Variants in DCC observed in about 807,000 individuals in gnomAD.
The protein encoded by DCC is netrin receptor DCC.
A neutral mutation model predicts 172.5 loss-of-function variants in DCC; 58 were observed. The ratio of observed to expected loss-of-function variants is 0.34; its 90% CI spans 0.27 to 0.42. The LOEUF is 0.42. Among genes scored for constraint, DCC ranks in the 10% least tolerant of loss-of-function variants. DCC has a pLI of 1.00. For synonymous variants in DCC, 709 were observed against 644.5 expected, an observed-to-expected ratio of 1.10 and a Z score of -1.52; for missense variants, 1,740 against 1,791.0, an observed-to-expected ratio of 0.97 and a Z score of 0.51.
chr18:53,135,155 T>G (rs1568324834), intron 7 of DCC, among the ~76,000 whole-genome samples: 1 of 152,154 alleles, frequency 6.6e-6, no homozygotes, highest in Admixed American at 6.5e-5. Flanking sequence ...GCTTCTCAGC[T>G]TATTGGAACA....
At position 52,918,965 on chromosome 18, in the gene DCC, G is replaced by T. The variant is rs1242487499; in HGVS notation, c.698-4742G>T. Among the ~76,000 whole-genome samples, 3 of 152,132 alleles carry T rather than the reference G, an allele frequency of 2.0e-5. No homozygotes were observed. The South Asian group carries it at 6.2e-4, about 32-fold the overall frequency. Reference sequence around the variant, plus strand: ...ACAGTAATGATTTATGATTTCTTATGATTCTATAGTTTATATGAACAGTTT... The same window carrying T: ...ACAGTAATGATTTATGATTTCTTATTATTCTATAGTTTATATGAACAGTTT... On this transcript the variant is annotated intron_variant, in intron 3 of 28. Transcript: ENST00000442544.
chr18:53,384,106 C>T (rs1907966626), intron 15 of DCC, among the ~76,000 whole-genome samples: 1 of 121,426 alleles, frequency 8.2e-6, no homozygotes, highest in South Asian at 2.4e-4. Context: ...AAATCAGTAT[C>T]TCTTCTGGTC....
At chr18:52,708,459 A>G (rs962038923) in intron 1 of DCC, among the ~76,000 whole-genome samples, 1 of 130,178 alleles carries the variant, frequency 7.7e-6, no homozygotes, top group East Asian at 2.2e-4. Context: ...AAAAAAAAAA[A>G]TTATAATGAT....
chr18:53,206,347 G>A (rs1376437868), intron 10 of DCC, among the ~76,000 whole-genome samples: 1 of 26,918 alleles, frequency 3.7e-5, no homozygotes, highest in Non-Finnish European at 7.0e-5. Context: ...ATGTATATAT[G>A]TATATATACA....
At chr18:52,837,391 TC>T (rs1441256226) in intron 2 of DCC, among the ~76,000 whole-genome samples, 9 of 152,180 alleles carry the variant, frequency 5.9e-5, no homozygotes, top group Admixed American at 2.6e-4. Context: ...GCTCTGCTGT[TC>T]TTGAATGCTT....
intron 1 of DCC, among the ~76,000 whole-genome samples, chr18:52,557,560 A>T (rs965342713): frequency 2.0e-5 from 3 of 152,238 alleles, no homozygotes; most frequent in African/African-American, 7.2e-5. Flanking sequence ...TTTCAAAATT[A>T]AAGTATAAAG....
intron 5 of DCC, among the ~76,000 whole-genome samples, chr18:52,931,030 A>AT (rs11355546): frequency 6.6e-6 from 1 of 151,496 alleles, no homozygotes; most frequent in Admixed American, 6.6e-5. Flanking sequence ...TTTTTAAGGG[A>AT]TTTTTTTTGG....
At chr18:53,004,684 T>TTTTGTTTG (rs143161043) in intron 5 of DCC, among the ~76,000 whole-genome samples, 136 of 151,578 alleles carry the variant, frequency 9.0e-4, no homozygotes, top group African/African-American at 2.6e-3. Flanking sequence ...CAAGATCTGT[T>TTTTGTTTG]TTTGTTTGTT....
intron 22 of DCC, among the ~76,000 whole-genome samples, chr18:53,438,336 T>G (rs1568132609): frequency 2.0e-5 from 3 of 152,170 alleles, no homozygotes; most frequent in African/African-American, 7.2e-5. Flanking sequence ...CTTGGGCAAA[T>G]GTAAGCCACA....
At position 52,918,170 on chromosome 18, in the gene DCC, A is replaced by C. The variant is rs543777625; in HGVS notation, c.698-5537A>C. On this transcript the variant is annotated intron_variant, in intron 3 of 28. Transcript: ENST00000442544. Reference sequence around the variant, plus strand: ...TGTGTCAACCAATTTATGAAATAGAACATTACAAATTTGCATTCTGATACC... The same window carrying C: ...TGTGTCAACCAATTTATGAAATAGACCATTACAAATTTGCATTCTGATACC... 2.6e-5 allele frequency among the ~76,000 whole-genome samples: 4 copies of C among 152,302 alleles called. No homozygotes were observed. The South Asian group carries it at 8.3e-4, about 32-fold the overall frequency.
chr18:52,544,820 A>G (rs2032567837), intron 1 of DCC, among the ~76,000 whole-genome samples: 1 of 152,146 alleles, frequency 6.6e-6, no homozygotes, highest in African/African-American at 2.4e-5. Flanking sequence ...TGTTGTCTGG[A>G]AAAGTTAAGA....
intron 21 of DCC, among the ~76,000 whole-genome samples, chr18:53,424,422 C>A (rs1016209723): frequency 6.6e-6 from 1 of 152,098 alleles, no homozygotes; most frequent in Non-Finnish European, 1.5e-5. Context: ...TTCCGTGGGT[C>A]CATTTTCAAG....
Position 53,097,787 on chromosome 18 carries a change from C to T in DCC, c.1261+31621C>T, listed in dbSNP as rs147211215. Among the ~76,000 whole-genome samples the T allele has an allele frequency of 6.4e-3, 974 of 152,246 alleles. 4 individuals are homozygous for T. Among genetic ancestry groups the T allele is most frequent in the Non-Finnish European group, 1.0e-2 (677 of 68,016 alleles). On this transcript the variant is annotated intron_variant, in intron 7 of 28. Transcript: ENST00000442544. ...AGGCCACCTTCTTACTGTGTCTTCG[C>T]ATGACTTTCTTTTGTTTGCATACTG...
intron 16 of DCC, among the ~76,000 whole-genome samples, chr18:53,391,402 T>C (rs991765134): frequency 2.0e-5 from 3 of 152,208 alleles, no homozygotes; most frequent in Admixed American, 6.5e-5. Flanking sequence ...GACAGTCAAA[T>C]TGATAAAACC....
intron 8 of DCC, among the ~76,000 whole-genome samples, chr18:53,174,870 C>G (rs1232085757): frequency 6.6e-6 from 1 of 151,822 alleles, no homozygotes; most frequent in Non-Finnish European, 1.5e-5. Context: ...AGAGACACAA[C>G]AAAAAAAGAG....
rs186122845 is a variant in DCC at position 53,365,933 on chromosome 18, G to A, written c.2360-20110G>A. 4.2e-3 allele frequency among the ~76,000 whole-genome samples: 634 copies of A among 152,248 alleles called. 3 individuals carry two copies. The highest frequency in any genetic ancestry group is 0.015 in the African/African-American group (611 of 41,540). On this transcript the variant is annotated intron_variant, in intron 15 of 28. Transcript: ENST00000442544. Reference sequence around the variant, plus strand: ...TTACAGAGGAAGAGCTTCTCAAGCCGGTGGTTTGTTTTATCACAGGAATGT... The same window carrying A: ...TTACAGAGGAAGAGCTTCTCAAGCCAGTGGTTTGTTTTATCACAGGAATGT...
intron 2 of DCC, among the ~76,000 whole-genome samples, chr18:52,866,515 T>A (rs1016409883): frequency 2.0e-5 from 3 of 152,232 alleles, no homozygotes; most frequent in African/African-American, 4.8e-5. Flanking sequence ...ATTCTTCCTA[T>A]CCATGAGCAT....
At chr18:52,646,545 G>A (rs11663913) in intron 1 of DCC, among the ~76,000 whole-genome samples, 21,099 of 152,190 alleles carry the variant, frequency 0.14, 1,754 homozygotes, top group Non-Finnish European at 0.19. Flanking sequence ...CCCAGCTATC[G>A]ATTGGGGGTT....
intron 5 of DCC, among the ~76,000 whole-genome samples, chr18:53,012,296 C>T (rs1309376512): frequency 6.6e-6 from 1 of 151,788 alleles, no homozygotes; most frequent in African/African-American, 2.4e-5. Context: ...TAGTATACAT[C>T]AACAATAAAA....
Sources: gnomAD v4.1 joint callset for allele counts (sites outside exome capture counted in the v4.1 genomes callset) on GRCh38, gnomAD v4.1.1 for gene constraint, MANE v1.5 for transcripts, NCBI Gene and HGNC (gene_info 2026-07-23, HGNC 2026-07-21) for gene names.